Variants in IMMP2L observed in about 807,000 individuals in gnomAD.
The protein encoded by IMMP2L is mitochondrial inner membrane protease subunit 2.
A neutral mutation model predicts 19.3 loss-of-function variants in IMMP2L; 18 were observed. The observed-to-expected ratio is 0.93, with a 90% CI of 0.64 to 1.38. The LOEUF (loss-of-function observed/expected upper bound fraction) is 1.38, where lower values mean the gene tolerates loss of function less well. Among genes scored for constraint, IMMP2L ranks in the 40% most tolerant of loss-of-function variants. The pLI is 0.00. For missense variants in IMMP2L, 233 were observed against 218.2 expected, an observed-to-expected ratio of 1.07 and a Z score of -0.43; for synonymous variants, 76 against 73.0, an observed-to-expected ratio of 1.04 and a Z score of -0.21.
chr7:111,325,766 A>T (rs1416927867), intron 3 of IMMP2L, among the ~76,000 whole-genome samples: 7 of 151,808 alleles, frequency 4.6e-5, no homozygotes. Flanking sequence ...ACGAGTATAT[A>T]ACTTCTATTC....
At chr7:111,225,772 C>T (rs74398471) in intron 3 of IMMP2L, among the ~76,000 whole-genome samples, 98 of 150,822 alleles carry the variant, frequency 6.5e-4, no homozygotes, top group African/African-American at 2.3e-3. Context: ...TCACATGGTT[C>T]CTTAAGAAGA....
At chr7:111,347,083 C>T (rs1041606696) in intron 3 of IMMP2L, among the ~76,000 whole-genome samples, 8 of 151,996 alleles carry the variant, frequency 5.3e-5, no homozygotes, top group Admixed American at 3.3e-4. Flanking sequence ...CAGTCTAGAA[C>T]GACTGCCAAG....
At chr7:111,003,933 C>T (rs1039962817) in intron 3 of IMMP2L, among the ~76,000 whole-genome samples, 1 of 152,150 alleles carries the variant, frequency 6.6e-6, no homozygotes, top group African/African-American at 2.4e-5. Context: ...ATTTAACAGA[C>T]AGATATACCA....
At chr7:111,495,840 C>G (rs1365525236) in intron 2 of IMMP2L, among the ~76,000 whole-genome samples, 1 of 152,060 alleles carries the variant, frequency 6.6e-6, no homozygotes, top group Non-Finnish European at 1.5e-5. Flanking sequence ...ATGCTTTCAA[C>G]CTTTTCAGGC....
chr7:111,504,704 A>C (rs1844688236), intron 2 of IMMP2L, among the ~76,000 whole-genome samples: 1 of 152,210 alleles, frequency 6.6e-6, no homozygotes. Flanking sequence ...CAAACCTGAC[A>C]AAAACAAGCA....
At chr7:110,955,884 T>C (rs1195352983) in intron 4 of IMMP2L, among the ~76,000 whole-genome samples, 2 of 151,874 alleles carry the variant, frequency 1.3e-5, no homozygotes, top group African/African-American at 2.4e-5. Flanking sequence ...AAGAGAGCCA[T>C]ATGGATACAT....
chr7:111,272,254 AT>A (rs1466457025), intron 3 of IMMP2L, among the ~76,000 whole-genome samples: 1 of 152,000 alleles, frequency 6.6e-6, no homozygotes, highest in Non-Finnish European at 1.5e-5. Flanking sequence ...ACCACTTCTC[AT>A]TTTATCCTCC....
chr7:110,917,015 T>C (rs1014752626), intron 4 of IMMP2L, among the ~76,000 whole-genome samples: 7 of 152,288 alleles, frequency 4.6e-5, no homozygotes, highest in African/African-American at 1.7e-4. Context: ...TAGGTGTAAC[T>C]TAATTAAGGA....
chr7:110,958,224 G>A (rs1034446136), intron 4 of IMMP2L, among the ~76,000 whole-genome samples: 2 of 151,902 alleles, frequency 1.3e-5, no homozygotes, highest in African/African-American at 2.4e-5. Context: ...GAGTATAAAC[G>A]TACACAAACC....
chr7:111,382,203 A>G (rs1831264565), intron 3 of IMMP2L, among the ~76,000 whole-genome samples: 1 of 152,058 alleles, frequency 6.6e-6, no homozygotes, highest in African/African-American at 2.4e-5. Context: ...TCACTAACAA[A>G]TAGCCATGTA....
chr7:110,962,451 TTA>T (rs1158061246), intron 4 of IMMP2L: 1 of 152,010 alleles, frequency 6.6e-6, no homozygotes, highest in Non-Finnish European at 1.5e-5. Flanking sequence ...TTTTTTTTTT[TTA>T]CATTTTTGCA....
intron 5 of IMMP2L, among the ~76,000 whole-genome samples, chr7:110,700,411 T>C (rs1463836031): frequency 6.6e-6 from 1 of 150,720 alleles, no homozygotes; most frequent in East Asian, 1.9e-4. Context: ...TACTGCCTTG[T>C]AGATTTTACC....
chr7:111,333,729 C>T (rs1400037978), intron 3 of IMMP2L, among the ~76,000 whole-genome samples: 1 of 152,122 alleles, frequency 6.6e-6, no homozygotes, highest in Non-Finnish European at 1.5e-5. Context: ...AAAGACTAGA[C>T]TGGCATAGTC....
chr7:111,437,197 G>C (rs1837263783), intron 3 of IMMP2L, among the ~76,000 whole-genome samples: 1 of 151,752 alleles, frequency 6.6e-6, no homozygotes. Context: ...TGTAATCCCA[G>C]CACTTTGGGA....
chr7:111,161,926 A>T (rs997045153), intron 3 of IMMP2L, among the ~76,000 whole-genome samples: 7 of 151,840 alleles, frequency 4.6e-5, no homozygotes, highest in South Asian at 2.1e-4. Flanking sequence ...TCCAACATTT[A>T]AAAAAAATTA....
At chr7:111,047,015 T>C (rs1450799314) in intron 3 of IMMP2L, among the ~76,000 whole-genome samples, 1 of 152,154 alleles carries the variant, frequency 6.6e-6, no homozygotes, top group East Asian at 1.9e-4. Context: ...ATATCTCCTT[T>C]GCTACTTTCA....
chr7:111,390,039 A>G (rs938948692), intron 3 of IMMP2L, among the ~76,000 whole-genome samples: 1 of 152,172 alleles, frequency 6.6e-6, no homozygotes, highest in Admixed American at 6.5e-5. Flanking sequence ...GTCACAAAAT[A>G]AGACCTATGT....
intron 3 of IMMP2L, among the ~76,000 whole-genome samples, chr7:111,469,733 TTAAA>T (rs1841039203): frequency 6.6e-6 from 1 of 152,096 alleles, no homozygotes; most frequent in Non-Finnish European, 1.5e-5. Flanking sequence ...TCAACATGGA[TTAAA>T]GACTTAAACG....
At chr7:110,680,858 C>T (rs917989769) in intron 5 of IMMP2L, among the ~76,000 whole-genome samples, 1 of 152,156 alleles carries the variant, frequency 6.6e-6, no homozygotes, top group Non-Finnish European at 1.5e-5. Flanking sequence ...ACAGAGATTA[C>T]TGGCAGAGAC....
Sources: allele counts gnomAD v4.1 joint callset (sites outside exome capture counted in the v4.1 genomes callset), GRCh38; gene constraint gnomAD v4.1.1; transcripts MANE v1.5; gene names NCBI Gene and HGNC (gene_info 2026-07-23, HGNC 2026-07-21).